Variants in TENM3 observed in about 807,000 individuals in gnomAD.
TENM3 encodes teneurin-3.
In TENM3, 63 loss-of-function variants were observed where a neutral mutation model predicts 255.1. The ratio of observed to expected loss-of-function variants is 0.25; its 90% CI spans 0.20 to 0.30. The LOEUF is 0.30. TENM3 is among the 10% of genes least tolerant of loss of function. TENM3 has a pLI of 1.00. For synonymous variants in TENM3, 1,306 were observed against 1,322.3 expected (o/e 0.99, Z 0.27); for missense variants, 2,929 against 3,461.1 (o/e 0.85, Z 3.86).
At chr4:182,098,954 T>C in the TENM3 span, among the ~76,000 whole-genome samples, 2 of 141,114 alleles carry the variant, frequency 1.4e-5, no homozygotes, top group African/African-American at 5.4e-5. Context: ...TGTGCACAAC[T>C]CTTTTTTTCT....
At chr4:182,046,651 G>A in the TENM3 span, among the ~76,000 whole-genome samples, 4 of 152,000 alleles carry the variant, frequency 2.6e-5, no homozygotes, top group Admixed American at 2.6e-4. Context: ...GATTGCTTGA[G>A]TCCTGGAGGT....
intron 12 of TENM3, among the ~76,000 whole-genome samples, chr4:182,689,737 G>A (rs559228616): frequency 6.6e-6 from 1 of 152,308 alleles, no homozygotes; most frequent in Non-Finnish European, 1.5e-5. Context: ...AAGCCTGTTC[G>A]AGACTTAGAG....
At chr4:182,059,610 T>A in the TENM3 span, among the ~76,000 whole-genome samples, 1 of 151,680 alleles carries the variant, frequency 6.6e-6, no homozygotes, top group Non-Finnish European at 1.5e-5. Flanking sequence ...TGGTATTTCC[T>A]TAAGAATAGT....
chr4:181,899,551 G>T, the TENM3 span, among the ~76,000 whole-genome samples: 7 of 150,822 alleles, frequency 4.6e-5, no homozygotes, highest in Non-Finnish European at 7.4e-5. Context: ...TTTGTTTTTT[G>T]TTTTGTTTTG....
At chr4:181,570,984 A>G in the TENM3 span, among the ~76,000 whole-genome samples, 1 of 152,144 alleles carries the variant, frequency 6.6e-6, no homozygotes, top group Non-Finnish European at 1.5e-5. Context: ...GATGGGAGAC[A>G]CTGAGCCAAC....
the TENM3 span, among the ~76,000 whole-genome samples, chr4:181,871,565 T>C: frequency 6.6e-6 from 1 of 152,118 alleles, no homozygotes; most frequent in Non-Finnish European, 1.5e-5. Flanking sequence ...TCTTTACTTA[T>C]TGTACTGTCT....
chr4:181,732,884 T>C, the TENM3 span, among the ~76,000 whole-genome samples: 4 of 152,206 alleles, frequency 2.6e-5, no homozygotes, highest in Non-Finnish European at 5.9e-5. Context: ...CAGACTATTG[T>C]ATAGACGTTA....
the TENM3 span, among the ~76,000 whole-genome samples, chr4:182,007,766 G>A: frequency 6.6e-5 from 10 of 152,052 alleles, no homozygotes; most frequent in South Asian, 8.3e-4. Context: ...TCCTGTCATC[G>A]TGACGCTATT....
the TENM3 span, among the ~76,000 whole-genome samples, chr4:181,888,494 G>GTACATATATATATATATATA: frequency 1.4e-4 from 4 of 28,242 alleles, no homozygotes; most frequent in Admixed American, 5.1e-4. Context: ...ATAGAAATGT[G>GTACATATATATATATATATA]TATATATATA....
At chr4:182,354,711 A>G (rs1174116714) in intron 3 of TENM3, among the ~76,000 whole-genome samples, 1 of 152,218 alleles carries the variant, frequency 6.6e-6, no homozygotes, top group Non-Finnish European at 1.5e-5. Flanking sequence ...ATCGTTTTCC[A>G]TAATAAATAG....
chr4:181,903,422 T>C, the TENM3 span, among the ~76,000 whole-genome samples: 1 of 152,192 alleles, frequency 6.6e-6, no homozygotes, highest in African/African-American at 2.4e-5. Flanking sequence ...GTTCAACAGC[T>C]GATGCCTTTG....
intron 3 of TENM3, among the ~76,000 whole-genome samples, chr4:182,579,457 A>C (rs1231047048): frequency 6.6e-6 from 1 of 152,222 alleles, no homozygotes; most frequent in South Asian, 2.1e-4. Flanking sequence ...AAGAGTCAAA[A>C]TGTCACCAAA....
chr4:181,651,939 A>G, the TENM3 span, among the ~76,000 whole-genome samples: 1 of 152,174 alleles, frequency 6.6e-6, no homozygotes, highest in Non-Finnish European at 1.5e-5. Flanking sequence ...TTCACACCAA[A>G]TATTTTTGTA....
chr4:181,500,220 G>T, the TENM3 span, among the ~76,000 whole-genome samples: 2 of 151,766 alleles, frequency 1.3e-5, no homozygotes, highest in East Asian at 1.9e-4. Flanking sequence ...GTAGAGAGGG[G>T]GTTTCATCAT....
chr4:181,737,535 C>A, the TENM3 span, among the ~76,000 whole-genome samples: 1 of 151,974 alleles, frequency 6.6e-6, no homozygotes. Flanking sequence ...GTAACTTCTT[C>A]AGGGGGAAAA....
intron 12 of TENM3, among the ~76,000 whole-genome samples, chr4:182,702,335 A>C (rs962618227): frequency 6.6e-6 from 1 of 152,208 alleles, no homozygotes. Context: ...GGGGAGGCAG[A>C]GTACAAGGGG....
At chr4:181,896,450 A>T in the TENM3 span, among the ~76,000 whole-genome samples, 4 of 152,130 alleles carry the variant, frequency 2.6e-5, no homozygotes, top group African/African-American at 9.7e-5. Context: ...TGAAGTTAAG[A>T]ACAATGTTCT....
the TENM3 span, among the ~76,000 whole-genome samples, chr4:181,626,301 G>A: frequency 6.6e-6 from 1 of 152,200 alleles, no homozygotes; most frequent in Non-Finnish European, 1.5e-5. Flanking sequence ...CCAGATGGGA[G>A]GGACAGGAGC....
At chr4:181,716,955 C>A in the TENM3 span, among the ~76,000 whole-genome samples, 1 of 152,138 alleles carries the variant, frequency 6.6e-6, no homozygotes, top group Non-Finnish European at 1.5e-5. Flanking sequence ...GGATTATTAG[C>A]ACATATTCTT....
Sources: allele counts gnomAD v4.1 joint callset (sites outside exome capture counted in the v4.1 genomes callset), GRCh38; gene constraint gnomAD v4.1.1; transcripts MANE v1.5; gene names NCBI Gene and HGNC (gene_info 2026-07-23, HGNC 2026-07-21).